Variants in CCDC7 observed in about 807,000 individuals in gnomAD.
CCDC7 encodes the protein coiled-coil domain containing 7.
A neutral mutation model predicts 196.9 loss-of-function variants in CCDC7; 183 were observed. The ratio of observed to expected loss-of-function variants is 0.93; its 90% CI spans 0.82 to 1.05. The LOEUF is 1.05. Ranked by LOEUF, CCDC7 falls within the 50% of genes least tolerant of loss-of-function variation. The pLI is 0.00. For missense variants in CCDC7, 1,540 were observed against 1,482.2 expected, an observed-to-expected ratio of 1.04 and a Z score of -0.64; for synonymous variants, 525 against 484.6, an observed-to-expected ratio of 1.08 and a Z score of -1.10.
intron 8 of CCDC7, among the ~76,000 whole-genome samples, chr10:32,487,953 G>T (rs1158903894): frequency 6.6e-6 from 1 of 152,230 alleles, no homozygotes; most frequent in Non-Finnish European, 1.5e-5. Context: ...TGAGGAGGCA[G>T]TCTGTCCGTT....
intron 39 of CCDC7, among the ~76,000 whole-genome samples, chr10:32,850,630 C>G (rs958549074): frequency 6.6e-6 from 1 of 152,108 alleles, no homozygotes; most frequent in African/African-American, 2.4e-5. Context: ...CAGCTCTTCC[C>G]AGGACCCCAC....
chr10:32,828,538 AAGAAGAAGAAGAAGAAGAAGAAAG>A (rs2091714914), intron 32 of CCDC7, among the ~76,000 whole-genome samples: 2 of 149,788 alleles, frequency 1.3e-5, no homozygotes, highest in Admixed American at 6.7e-5. Context: ...GAAGAAGAAG[AAGAAGAAGAAGAAGAAGAAGAAAG>A]AAGAAGAAGA....
At chr10:32,694,884 G>T in exon 24 of CCDC7, 1 of 1,588,160 alleles carries the variant, frequency 6.3e-7, no homozygotes, top group East Asian at 2.2e-5. Context: ...TGTAGCTCAT[G>T]ATGAAGAACC....
chr10:32,702,031 G>A (rs1265800518), intron 24 of CCDC7, among the ~76,000 whole-genome samples: 1 of 152,006 alleles, frequency 6.6e-6, no homozygotes, highest in East Asian at 1.9e-4. Context: ...CAGTTTTGCT[G>A]TGATCTTAGT....
At chr10:32,454,838 CTCAG>C (rs1457974120) in intron 2 of CCDC7, among the ~76,000 whole-genome samples, 1 of 152,206 alleles carries the variant, frequency 6.6e-6, no homozygotes, top group Non-Finnish European at 1.5e-5. Flanking sequence ...GTCTTTCCCA[CTCAG>C]TCTGTCCAAT....
At chr10:32,766,025 A>T (rs919601805) in intron 28 of CCDC7, among the ~76,000 whole-genome samples, 25 of 152,056 alleles carry the variant, frequency 1.6e-4, no homozygotes, top group African/African-American at 6.0e-4. Flanking sequence ...TTTCTACAAG[A>T]TATCATACTT....
intron 3 of CCDC7, among the ~76,000 whole-genome samples, chr10:32,457,587 GT>G: frequency 6.6e-6 from 1 of 152,226 alleles, no homozygotes; most frequent in Admixed American, 6.5e-5. Flanking sequence ...TCTATTGGTA[GT>G]TTTTTGAGGA....
intron 13 of CCDC7, among the ~76,000 whole-genome samples, chr10:32,549,151 CCCTGATCATTCA>C (rs1232438538): frequency 5.3e-5 from 8 of 152,136 alleles, no homozygotes; most frequent in Non-Finnish European, 1.2e-4. Context: ...ATTTGCATTT[CCCTGATCATTCA>C]TGATGTTGAG....
intron 28 of CCDC7, among the ~76,000 whole-genome samples, chr10:32,765,454 G>A (rs1271480167): frequency 6.6e-6 from 1 of 151,888 alleles, no homozygotes; most frequent in Non-Finnish European, 1.5e-5. Flanking sequence ...TCCCCAGTTT[G>A]TGAATGTATA....
At chr10:32,648,092 C>T (rs962528503) in intron 20 of CCDC7, among the ~76,000 whole-genome samples, 8 of 152,172 alleles carry the variant, frequency 5.3e-5, no homozygotes. Context: ...GGAGCCCTTT[C>T]CTCATTGCTT....
exon 17 of CCDC7, chr10:32,583,128 G>A (rs1431512560): frequency 6.5e-6 from 8 of 1,231,320 alleles, no homozygotes; most frequent in Non-Finnish European, 8.1e-6. Context: ...TTCAAATGAA[G>A]TTTCAGTTGC....
chr10:32,792,090 A>T (rs2082792715), intron 29 of CCDC7, among the ~76,000 whole-genome samples: 1 of 152,224 alleles, frequency 6.6e-6, no homozygotes, highest in Non-Finnish European at 1.5e-5. Context: ...AGTCAAGAAT[A>T]CTATACCCAT....
chr10:32,709,527 G>C (rs2080448340), intron 24 of CCDC7, among the ~76,000 whole-genome samples: 1 of 152,172 alleles, frequency 6.6e-6, no homozygotes, highest in Non-Finnish European at 1.5e-5. Context: ...TCTTTCAGAT[G>C]TGCAGTTTAC....
rs368299064 is a variant in CCDC7, at chr10:32,850,306, G to A, written c.3896-1501G>A. Among the ~76,000 whole-genome samples, 5 of 152,274 alleles carry A rather than the reference G, an allele frequency of 3.3e-5. No individual in the cohort carries two copies. In the East Asian group the frequency reaches 7.7e-4, roughly 23 times the overall value. The stretch of plus-strand genomic sequence containing the variant: ...AAGCAGAGTGTAGAAGGGTGGTTTG[G>A]TGGCTAAACTTAATAACTGGCCCAG... On this transcript the variant is annotated intron_variant, in intron 39 of 41. Coordinates refer to ENST00000639629, the Ensembl canonical transcript of CCDC7.
chr10:32,641,335 G>A (rs1448387173), intron 20 of CCDC7, among the ~76,000 whole-genome samples: 4 of 152,112 alleles, frequency 2.6e-5, no homozygotes, highest in South Asian at 2.1e-4. Flanking sequence ...ATATTTCTCC[G>A]AGGCTTTGTT....
chr10:32,639,719 C>T, intron 20 of CCDC7, among the ~76,000 whole-genome samples: 1 of 151,668 alleles, frequency 6.6e-6, no homozygotes. Flanking sequence ...GTTCTGCCTC[C>T]TGGCTTCACG....
chr10:32,627,408 T>C (rs1180695548), intron 18 of CCDC7, among the ~76,000 whole-genome samples: 1 of 151,972 alleles, frequency 6.6e-6, no homozygotes, highest in African/African-American at 2.4e-5. Context: ...CAACATTTTT[T>C]GATGGAGTCA....
intron 11 of CCDC7, among the ~76,000 whole-genome samples, chr10:32,531,286 C>A (rs1162590738): frequency 6.6e-6 from 1 of 152,044 alleles, no homozygotes; most frequent in African/African-American, 2.4e-5. Flanking sequence ...CCATGCCTGG[C>A]TATTGTTCTT....
chr10:32,555,572 A>G (rs2054221492), intron 13 of CCDC7, among the ~76,000 whole-genome samples: 1 of 152,152 alleles, frequency 6.6e-6, no homozygotes, highest in Non-Finnish European at 1.5e-5. Context: ...GAGAGGACAC[A>G]TTCTGTAAGG....
Sources: gnomAD v4.1 joint callset for allele counts (sites outside exome capture counted in the v4.1 genomes callset) on GRCh38, gnomAD v4.1.1 for gene constraint, MANE v1.5 for transcripts, NCBI Gene and HGNC (gene_info 2026-07-23, HGNC 2026-07-21) for gene names.